RXRA: variants seen among roughly 807,000 people sequenced by gnomAD.
RXRA encodes retinoic acid receptor RXR-alpha.
RXRA carries 5 observed loss-of-function variants against 44.5 expected under a neutral mutation model. That is an observed-to-expected ratio of 0.11 (90% CI 0.06 to 0.24). The LOEUF (loss-of-function observed/expected upper bound fraction) is 0.24. RXRA is among the 10% of genes least tolerant of loss of function. RXRA has a pLI of 1.00. For synonymous variants in RXRA, 291 were observed against 271.4 expected (o/e 1.07, Z -0.71); for missense variants, 412 against 646.5 (o/e 0.64, Z 3.93).
At chr9:134,350,998 C>G (rs945942619) in intron 1 of RXRA, among the ~76,000 whole-genome samples, 9 of 152,378 alleles carry the variant, frequency 5.9e-5, no homozygotes, top group Non-Finnish European at 1.0e-4. Context: ...GCATCCCTCA[C>G]CTGCCTAAGT....
chr9:134,396,346 C>T (rs1029139815), intron 1 of RXRA, among the ~76,000 whole-genome samples: 1 of 152,150 alleles, frequency 6.6e-6, no homozygotes, highest in East Asian at 1.9e-4. Flanking sequence ...AACCTTGACG[C>T]GCCGTGGTCC....
intron 1 of RXRA, among the ~76,000 whole-genome samples, chr9:134,367,279 T>C (rs925323378): frequency 1.3e-5 from 2 of 152,086 alleles, no homozygotes. Flanking sequence ...TCTCCCTCCA[T>C]CTTCACAGCA....
chr9:134,378,112 C>T (rs1009163603), intron 1 of RXRA, among the ~76,000 whole-genome samples: 2 of 152,224 alleles, frequency 1.3e-5, no homozygotes, highest in African/African-American at 4.8e-5. Flanking sequence ...GGAGCTAGCT[C>T]GGCAGGAAGC....
rs149323544 is a variant in RXRA, at chr9:134,366,907, G to A, written c.29-34725G>A. Among the ~76,000 whole-genome samples the A allele has an allele frequency of 6.6e-6, 1 of 152,280 alleles. No individual in the cohort carries two copies. Among genetic ancestry groups the A allele is most frequent in the African/African-American group, 2.4e-5 (1 of 41,540 alleles). On this transcript the variant is annotated intron_variant, in intron 1 of 9. Transcript: ENST00000481739. This position sits in a 1 kb window ranked among gnomAD's most constrained non-coding sequence, Gnocchi z 5.9. Reference sequence around the variant, plus strand: ...GCGCCAGGCAGGCTGAGTCGGAGATGTCCCTCAGGCTCCTGCTGGGAGAAG... The same window carrying A: ...GCGCCAGGCAGGCTGAGTCGGAGATATCCCTCAGGCTCCTGCTGGGAGAAG...
chr9:134,381,267 G>A (rs1372110813), intron 1 of RXRA, among the ~76,000 whole-genome samples: 1 of 152,176 alleles, frequency 6.6e-6, no homozygotes, highest in Non-Finnish European at 1.5e-5. Flanking sequence ...GCCTGGGCTG[G>A]GGGCTGGGTC....
intron 1 of RXRA, among the ~76,000 whole-genome samples, chr9:134,339,879 A>C (rs1830065260): frequency 6.9e-6 from 1 of 145,600 alleles, no homozygotes; most frequent in African/African-American, 2.6e-5. Flanking sequence ...GTGAACATCC[A>C]TGCCCTTGTG....
chr9:134,416,621 C>T (rs956623807), intron 4 of RXRA, among the ~76,000 whole-genome samples: 1 of 152,080 alleles, frequency 6.6e-6, no homozygotes, highest in African/African-American at 2.4e-5. Flanking sequence ...TCCTGATTGC[C>T]CAGGTGTCTC....
chr9:134,435,661 G>T (rs1831607551), intron 9 of RXRA, among the ~76,000 whole-genome samples: 1 of 152,106 alleles, frequency 6.6e-6, no homozygotes, highest in Non-Finnish European at 1.5e-5. Flanking sequence ...GGCTCCACCT[G>T]CAGTGGGGGT....
At chr9:134,334,957 A>G (rs1488436666) in intron 1 of RXRA, among the ~76,000 whole-genome samples, 2 of 152,104 alleles carry the variant, frequency 1.3e-5, no homozygotes, top group Non-Finnish European at 2.9e-5. Flanking sequence ...GCCTGGGGGC[A>G]TGGCAGAGCA....
At chr9:134,348,961 G>A (rs142977347) in intron 1 of RXRA, among the ~76,000 whole-genome samples, 12 of 152,330 alleles carry the variant, frequency 7.9e-5, no homozygotes, top group African/African-American at 1.2e-4. Flanking sequence ...CAACCGTGGC[G>A]TTGCGCCAGC....
intron 6 of RXRA, chr9:134,422,283 C>A (rs189129480): frequency 7.8e-7 from 1 of 1,289,246 alleles, no homozygotes; most frequent in Non-Finnish European, 1.0e-6. Context: ...CCAGGACACA[C>A]TCCTACTTCC....
intron 1 of RXRA, among the ~76,000 whole-genome samples, chr9:134,359,646 T>C (rs546260604): frequency 6.6e-6 from 1 of 152,134 alleles, no homozygotes; most frequent in Admixed American, 6.5e-5. Flanking sequence ...TGCATTGTTT[T>C]CCCTCCCTCC....
intron 7 of RXRA, among the ~76,000 whole-genome samples, chr9:134,429,851 C>T (rs190742018): frequency 8.4e-4 from 127 of 151,918 alleles, no homozygotes; most frequent in African/African-American, 2.8e-3. Context: ...CTCTGCCAGG[C>T]GAGGCGGACA....
intron 1 of RXRA, among the ~76,000 whole-genome samples, chr9:134,397,264 C>T (rs761647404): frequency 6.6e-5 from 10 of 152,268 alleles, no homozygotes; most frequent in African/African-American, 9.6e-5. Flanking sequence ...CACCGTCTCG[C>T]GGAGCAGCCT....
At chr9:134,339,502 A>G (rs1830056191) in intron 1 of RXRA, among the ~76,000 whole-genome samples, 1 of 123,750 alleles carries the variant, frequency 8.1e-6, no homozygotes, top group Non-Finnish European at 1.7e-5. Context: ...CCCTTGTGTG[A>G]GTGTGTGTGA....
intron 1 of RXRA, among the ~76,000 whole-genome samples, chr9:134,397,756 T>C (rs1191058667): frequency 6.6e-6 from 1 of 152,170 alleles, no homozygotes; most frequent in East Asian, 1.9e-4. Context: ...GGGCCCTGTA[T>C]GGCTCAGGTT....
At chr9:134,410,930 G>C (rs1056739376) in intron 4 of RXRA, among the ~76,000 whole-genome samples, 4 of 152,220 alleles carry the variant, frequency 2.6e-5, no homozygotes, top group African/African-American at 9.6e-5. Flanking sequence ...ATAACCAGGG[G>C]GGGCCCAGGG....
chr9:134,362,623 C>T (rs1306586772), intron 1 of RXRA, among the ~76,000 whole-genome samples: 2 of 152,234 alleles, frequency 1.3e-5, no homozygotes, highest in Admixed American at 1.3e-4. Context: ...CTCCTGGGAG[C>T]TGGGCATGGG....
chr9:134,401,432 C>A, intron 1 of RXRA, 200 bp from the exon 2 acceptor site: 1 of 795,808 alleles, frequency 1.3e-6, no homozygotes, highest in Non-Finnish European at 2.0e-6. Flanking sequence ...CAGAACAGTA[C>A]CTTGGAGGGG....
Sources: allele counts gnomAD v4.1 joint callset (sites outside exome capture counted in the v4.1 genomes callset), GRCh38; gene constraint gnomAD v4.1.1; non-coding constraint Gnocchi (gnomAD v3.1); transcripts MANE v1.5; gene names NCBI Gene and HGNC (gene_info 2026-07-23, HGNC 2026-07-21).